The following ATP8A2 variants were observed in gnomAD, a reference collection of about 807,000 sequenced individuals.
ATP8A2 encodes the protein phospholipid-transporting ATPase IB.
ATP8A2 carries 100 observed loss-of-function variants against 165.6 expected under a neutral mutation model. The observed-to-expected ratio is 0.60, with a 90% CI of 0.51 to 0.71. The LOEUF (loss-of-function observed/expected upper bound fraction) is 0.71. Among genes scored for constraint, ATP8A2 ranks in the 30% least tolerant of loss-of-function variants. The probability of loss-of-function intolerance (pLI) is 0.00; values close to 1 mark genes in which losing one functional copy is unlikely to be tolerated. For synonymous variants in ATP8A2, 543 were observed against 548.8 expected, an observed-to-expected ratio of 0.99 and a Z score of 0.15; for missense variants, 1,227 against 1,479.5, an observed-to-expected ratio of 0.83 and a Z score of 2.80.
intron 25 of ATP8A2, among the ~76,000 whole-genome samples, chr13:25,709,885 T>A (rs575005236): frequency 3.0e-4 from 46 of 152,292 alleles, no homozygotes; most frequent in Admixed American, 5.9e-4. Flanking sequence ...TCTTGAAGTT[T>A]TGAAATAATT....
At chr13:25,481,126 G>A (rs1593375789) in intron 2 of ATP8A2, among the ~76,000 whole-genome samples, 2 of 150,306 alleles carry the variant, frequency 1.3e-5, no homozygotes, top group South Asian at 2.1e-4. Flanking sequence ...GCTTCGGCTC[G>A]GCATCAGAGG....
At chr13:25,531,493 G>A (rs2038111504) in intron 4 of ATP8A2, among the ~76,000 whole-genome samples, 1 of 147,922 alleles carries the variant, frequency 6.8e-6, no homozygotes, top group African/African-American at 2.5e-5. Flanking sequence ...TGCATGTGCT[G>A]TCTCTCTGTC....
chr13:25,420,234 A>G (rs1174304999), intron 1 of ATP8A2, among the ~76,000 whole-genome samples: 1 of 152,138 alleles, frequency 6.6e-6, no homozygotes, highest in African/African-American at 2.4e-5. Flanking sequence ...CTTCATTTGT[A>G]TTTTTTTAAA....
intron 25 of ATP8A2, among the ~76,000 whole-genome samples, chr13:25,715,231 C>T (rs1266684359): frequency 2.0e-5 from 3 of 152,126 alleles, no homozygotes; most frequent in African/African-American, 7.2e-5. Context: ...CCCAGGTCTG[C>T]AAGTCTCATT....
chr13:25,637,266 A>G (rs1469476686), intron 24 of ATP8A2, among the ~76,000 whole-genome samples: 1 of 152,136 alleles, frequency 6.6e-6, no homozygotes, highest in East Asian at 1.9e-4. Context: ...TAGGTGCAGG[A>G]CAGTGGGTGC....
At chr13:25,436,704 A>G (rs1375999724) in intron 1 of ATP8A2, among the ~76,000 whole-genome samples, 1 of 152,094 alleles carries the variant, frequency 6.6e-6, no homozygotes, top group Admixed American at 6.6e-5. Flanking sequence ...TAGTGGCTGA[A>G]CTAATTTACA....
chr13:25,700,258 G>A lies in ATP8A2; in HGVS notation c.2384+913G>A, dbSNP rs577865562. On this transcript the variant is annotated intron_variant, in intron 25 of 36. Coordinates refer to ENST00000381655, the MANE Select transcript of ATP8A2 (RefSeq NM_016529.6). ...GGCCTCCTTCTCTTTTCCTCGAATAGCTTGATTGTGATACAATTCACATAC... is the reference window on the plus strand; with the variant it reads ...GGCCTCCTTCTCTTTTCCTCGAATAACTTGATTGTGATACAATTCACATAC... Among the ~76,000 whole-genome samples the A allele has an allele frequency of 9.2e-5, 14 of 152,254 alleles. 1 individual carries two copies. The highest frequency in any genetic ancestry group is 4.6e-4 in the Admixed American group (7 of 15,294).
At chr13:25,884,941 ACT>A (rs1289441279) in intron 33 of ATP8A2, among the ~76,000 whole-genome samples, 1 of 151,874 alleles carries the variant, frequency 6.6e-6, no homozygotes, top group Non-Finnish European at 1.5e-5. Flanking sequence ...GAACACAGGA[ACT>A]CTCTACAGAG....
chr13:26,014,844 AT>A (rs778142325), intron 36 of ATP8A2, among the ~76,000 whole-genome samples: 1 of 152,194 alleles, frequency 6.6e-6, no homozygotes, highest in Non-Finnish European at 1.5e-5. Flanking sequence ...AGAAAAAAGA[AT>A]TTTAATGATA....
intron 2 of ATP8A2, among the ~76,000 whole-genome samples, chr13:25,484,240 C>A (rs184672025): frequency 6.6e-6 from 1 of 152,300 alleles, no homozygotes; most frequent in African/African-American, 2.4e-5. Context: ...CAAACAAACA[C>A]CAAAATTCTT....
At position 25,468,884 on chromosome 13, in the gene ATP8A2, G is replaced by C. The variant is rs932480898; in HGVS notation, c.77-93G>C. ...CCTCACCCGAGCATCCTTCCCCGCC[G>C]GTGGCCGCCCGCCCGCGGCCCGCGC... On this transcript the variant is annotated intron_variant, in intron 1 of 36. Transcript: ENST00000381655. 12 of 1,557,666 alleles carry C rather than the reference G, an allele frequency of 7.7e-6. No individual in the cohort carries two copies. The East Asian group carries it at 2.9e-4, about 37-fold the overall frequency.
chr13:25,913,608 T>C (rs976382909), intron 33 of ATP8A2, among the ~76,000 whole-genome samples: 1 of 152,026 alleles, frequency 6.6e-6, no homozygotes, highest in Non-Finnish European at 1.5e-5. Flanking sequence ...GAGCATCCTT[T>C]AGGCTTCAAG....
chr13:25,584,528 G>A (rs1417281038), intron 23 of ATP8A2, among the ~76,000 whole-genome samples: 1 of 152,188 alleles, frequency 6.6e-6, no homozygotes, highest in Non-Finnish European at 1.5e-5. Flanking sequence ...TAAATGGAGT[G>A]TCTGGCAAGT....
intron 25 of ATP8A2, among the ~76,000 whole-genome samples, chr13:25,753,850 CAT>C (rs1475425844): frequency 6.6e-6 from 1 of 152,220 alleles, no homozygotes; most frequent in Non-Finnish European, 1.5e-5. Flanking sequence ...CTATCACTAA[CAT>C]AGCATCTGGA....
chr13:25,540,528 A>G, intron 8 of ATP8A2, 140 bp downstream of exon 8: 1 of 670,218 alleles, frequency 1.5e-6, no homozygotes, highest in Non-Finnish European at 2.6e-6. Context: ...TGGGAAGAAT[A>G]TGCCATTTAT....
chr13:25,537,095 T>G (rs543417858), intron 6 of ATP8A2, among the ~76,000 whole-genome samples: 10 of 152,312 alleles, frequency 6.6e-5, no homozygotes, highest in African/African-American at 2.4e-4. Context: ...TGGTAGACAC[T>G]TCGCCATGGT....
chr13:25,863,763 C>T (rs1476122485), intron 33 of ATP8A2: 1 of 152,250 alleles, frequency 6.6e-6, no homozygotes, highest in Non-Finnish European at 1.5e-5. Context: ...CGTCTGAGAC[C>T]TCCACTGAGT....
chr13:25,523,998 T>C (rs2037754492), intron 2 of ATP8A2, among the ~76,000 whole-genome samples: 2 of 152,190 alleles, frequency 1.3e-5, no homozygotes, highest in South Asian at 4.1e-4. Context: ...TGTTTATTAC[T>C]GCAAACTTCC....
intron 27 of ATP8A2, among the ~76,000 whole-genome samples, chr13:25,800,049 A>C (rs1950589676): frequency 6.6e-6 from 1 of 152,248 alleles, no homozygotes; most frequent in Non-Finnish European, 1.5e-5. Context: ...CATTGCTTTA[A>C]GTGTTTTACA....
Sources: allele counts gnomAD v4.1 joint callset (sites outside exome capture counted in the v4.1 genomes callset), GRCh38; gene constraint gnomAD v4.1.1; transcripts MANE v1.5; gene names NCBI Gene and HGNC (gene_info 2026-07-23, HGNC 2026-07-21).